Variants in ZMYM1 observed in about 807,000 individuals in gnomAD.
ZMYM1 encodes the protein zinc finger MYM-type protein 1.
Under a neutral mutation model 60.0 loss-of-function variants are expected in ZMYM1, and 39 were observed. The observed-to-expected ratio is 0.65, with a 90% CI of 0.50 to 0.85. The LOEUF is 0.85. Among genes scored for constraint, ZMYM1 ranks in the 40% least tolerant of loss-of-function variants. ZMYM1 has a pLI of 0.00. For synonymous variants in ZMYM1, 413 were observed against 454.0 expected (o/e 0.91, Z 1.15); for missense variants, 1,171 against 1,309.5 (o/e 0.89, Z 1.63).
At chr1:35,090,303 A>G (rs950084241) in intron 1 of ZMYM1, among the ~76,000 whole-genome samples, 2 of 152,120 alleles carry the variant, frequency 1.3e-5, no homozygotes, top group Non-Finnish European at 2.9e-5. Context: ...AGGATTTAGA[A>G]TCAGAGGTAA....
At chr1:35,064,313 A>AT (rs1641930046) in intron 1 of ZMYM1, among the ~76,000 whole-genome samples, 1 of 110,732 alleles carries the variant, frequency 9.0e-6, no homozygotes, top group Non-Finnish European at 1.6e-5. Flanking sequence ...AAAAAAAAAA[A>AT]CAAAAAACAC....
intron 1 of ZMYM1, among the ~76,000 whole-genome samples, chr1:35,086,207 A>G (rs1642645634): frequency 6.6e-6 from 1 of 152,210 alleles, no homozygotes; most frequent in Non-Finnish European, 1.5e-5. Context: ...AGTCATATTT[A>G]TATTCATACA....
rs1557626651 is a variant in ZMYM1 at position 35,073,365 on chromosome 1, G to GGAAGGAAGGAAA, written c.-300-5625_-300-5614dup. Among the ~76,000 whole-genome samples the GGAAGGAAGGAAA allele has an allele frequency of 1.0e-3, 150 of 145,892 alleles. 2 individuals carry two copies. Among genetic ancestry groups the GGAAGGAAGGAAA allele is most frequent in the African/African-American group, 3.5e-3 (139 of 39,434 alleles). Reference sequence around the variant, plus strand: ...AGGAAGGAAGGAAGGAAGGAAGGAAGGAAGGAAGGAAAGAAAGGAAAGAAA... The same window carrying GGAAGGAAGGAAA: ...AGGAAGGAAGGAAGGAAGGAAGGAAGGAAGGAAGGAAAGAAGGAAGGAAAGAAAGGAAAGAAA... On this transcript the variant is annotated intron_variant, in intron 1 of 10. Transcript: ENST00000417119.
At chr1:35,093,444 A>G (rs1206411896) in intron 1 of ZMYM1, 1 of 152,338 alleles carries the variant, frequency 6.6e-6, no homozygotes, top group East Asian at 1.9e-4. Flanking sequence ...GATTACAGGT[A>G]TGTGCCACCA....
At position 35,114,673 on chromosome 1, in the gene ZMYM1, G is replaced by C. The variant is rs780975459; in HGVS notation, c.2843G>C (p.Gly948Ala). Residue 948 changes from glycine to alanine, a missense_variant, in exon 10 of 10, where the codon GGC becomes GCC. Coordinates refer to ENST00000359858, the MANE Select transcript of ZMYM1 (RefSeq NM_024772.5). ...AAAATTCAGAAATCAGTAGATCTTG[G>C]CAATTCAGATAATATGTTTTTTCCT... ...RRKIQKSVDL[G>A]NSDNMFFPTS... 2 of 1,590,728 alleles carry C rather than the reference G, an allele frequency of 1.3e-6. No homozygotes were observed. Among genetic ancestry groups the C allele is most frequent in the Non-Finnish European group, 1.7e-6 (2 of 1,173,816 alleles).
chr1:35,116,558 A>G (rs1644250593), downstream of ZMYM1, among the ~76,000 whole-genome samples: 1 of 152,064 alleles, frequency 6.6e-6, no homozygotes, highest in African/African-American at 2.4e-5. Flanking sequence ...CCCAGGTTCA[A>G]GTGATTGTCC....
At chr1:35,067,072 G>A (rs762182149) in intron 1 of ZMYM1, among the ~76,000 whole-genome samples, 16 of 152,156 alleles carry the variant, frequency 1.1e-4, no homozygotes, top group East Asian at 1.9e-4. Flanking sequence ...TCTGCCTCCC[G>A]GGTTCAGGTG....
rs533620034 is a variant in ZMYM1 at position 35,064,306 on chromosome 1, A to C, written c.-301+4381A>C. ...AGATCCTGTCTCAAAAAAAAAAAAA[A>C]AAAAAAACAAAAAACACTGAAAGGA... On this transcript the variant is annotated intron_variant, in intron 1 of 10. Coordinates refer to the ZMYM1 transcript ENST00000417119. Among the ~76,000 whole-genome samples the C allele has an allele frequency of 3.5e-4, 43 of 122,108 alleles. No individual in the cohort carries two copies. In the East Asian group the frequency reaches 0.015, roughly 44 times the overall value. 80.1% of individuals were successfully genotyped at this position (122,108 alleles called of 152,430 possible). A position where few individuals can be genotyped will look rare whatever the true frequency, so the allele number is the denominator to read the frequency against.
intron 1 of ZMYM1, among the ~76,000 whole-genome samples, chr1:35,060,445 C>T (rs1641853303): frequency 6.6e-6 from 1 of 152,182 alleles, no homozygotes; most frequent in South Asian, 2.1e-4. Flanking sequence ...CAGGCGTGAG[C>T]CACCGCGCCC....
At chr1:35,082,678 C>T (rs1164890764) in intron 1 of ZMYM1, among the ~76,000 whole-genome samples, 3 of 150,346 alleles carry the variant, frequency 2.0e-5, no homozygotes, top group Non-Finnish European at 3.0e-5. Context: ...TTTACTTTAG[C>T]TTAAAGAATT....
chr1:35,101,907 C>A (rs1162111075), intron 4 of ZMYM1, among the ~76,000 whole-genome samples: 4 of 151,890 alleles, frequency 2.6e-5, no homozygotes, highest in African/African-American at 9.7e-5. Flanking sequence ...ACTTCTTGTA[C>A]CCTTAAAAAT....
At chr1:35,077,066 C>T (rs193149064), upstream of ZMYM1, among the ~76,000 whole-genome samples, 2 of 152,220 alleles carry the variant, frequency 1.3e-5, no homozygotes, top group South Asian at 2.1e-4. Context: ...GCAAGAAAGA[C>T]GCATGAAACT....
At chr1:35,099,833 G>A (rs543864611) in intron 4 of ZMYM1, among the ~76,000 whole-genome samples, 5 of 152,200 alleles carry the variant, frequency 3.3e-5, no homozygotes, top group African/African-American at 7.2e-5. Context: ...CCAAAGTGCC[G>A]GGATTACAGG....
At chr1:35,103,253 T>A (rs1246218485) in intron 4 of ZMYM1, among the ~76,000 whole-genome samples, 1 of 152,188 alleles carries the variant, frequency 6.6e-6, no homozygotes, top group Non-Finnish European at 1.5e-5. Context: ...AAGCAGTTTC[T>A]CCTAATTTCC....
chr1:35,074,477 T>G (rs868622895), upstream of ZMYM1, among the ~76,000 whole-genome samples: 4 of 151,864 alleles, frequency 2.6e-5, no homozygotes, highest in South Asian at 8.3e-4. Context: ...GGCGCCGTCT[T>G]GGCTCACTGC....
intron 4 of ZMYM1, among the ~76,000 whole-genome samples, chr1:35,100,808 CT>C (rs534389487): frequency 1.6e-3 from 235 of 143,508 alleles, no homozygotes; most frequent in Admixed American, 1.9e-3. Flanking sequence ...GTTGGCGTTT[CT>C]TTTTTTTTTT....
chr1:35,070,515 T>C (rs1324107647), intron 1 of ZMYM1, among the ~76,000 whole-genome samples: 6 of 152,182 alleles, frequency 3.9e-5, no homozygotes, highest in Non-Finnish European at 8.8e-5. Flanking sequence ...TATAAGATTA[T>C]GTTGTTTAAA....
rs1417203739 is a variant in ZMYM1 at position 35,115,430 on chromosome 1, T to C, written c.*171T>C. On this transcript the variant is annotated 3_prime_UTR_variant, in exon 10 of 10. Coordinates refer to ENST00000359858, the MANE Select transcript of ZMYM1 (RefSeq NM_024772.5). Reference sequence around the variant, plus strand: ...GTGTTATCTTTTCCTTAAATATCCCTCTAGAGGTATTTTTCCTAAGTGGTA... The same window carrying C: ...GTGTTATCTTTTCCTTAAATATCCCCCTAGAGGTATTTTTCCTAAGTGGTA... The C allele has an allele frequency of 2.8e-6, 2 of 705,974 alleles. No homozygotes were observed. Among genetic ancestry groups the C allele is most frequent in the African/African-American group, 3.6e-5 (2 of 55,514 alleles). The allele number at this position is 705,974 out of a possible 1,614,324, so 43.7% of individuals were successfully genotyped here.
At chr1:35,061,610 A>G (rs914862312) in intron 1 of ZMYM1, among the ~76,000 whole-genome samples, 1 of 151,596 alleles carries the variant, frequency 6.6e-6, no homozygotes, top group Non-Finnish European at 1.5e-5. Context: ...CCCCGTCTCT[A>G]GTAAAAAAAC....
Sources: allele counts gnomAD v4.1 joint callset (sites outside exome capture counted in the v4.1 genomes callset), GRCh38; gene constraint gnomAD v4.1.1; transcripts MANE v1.5; gene names NCBI Gene and HGNC (gene_info 2026-07-23, HGNC 2026-07-21).